Variants in FAM228B observed in about 807,000 individuals in gnomAD.
FAM228B encodes family with sequence similarity 228 member B, also known as protein FAM228B.
A neutral mutation model predicts 42.6 loss-of-function variants in FAM228B; 38 were observed. That is an observed-to-expected ratio of 0.89 (90% CI 0.69 to 1.17). The LOEUF (loss-of-function observed/expected upper bound fraction) is 1.17. FAM228B is among the 50% of genes most tolerant of loss of function. FAM228B has a pLI of 0.00. For synonymous variants in FAM228B, 109 were observed against 122.3 expected, an observed-to-expected ratio of 0.89 and a Z score of 0.72; for missense variants, 344 against 367.3, an observed-to-expected ratio of 0.94 and a Z score of 0.52.
In FAM228B at chr2:24,090,444, C is replaced by T. The variant is rs554076301; in HGVS notation, c.-209-4697C>T. On this transcript the variant is annotated intron_variant, in intron 2 of 10. Coordinates refer to the FAM228B transcript ENST00000613899. ...ACTAAAAATACAAAAATTAGCTGGG[C>T]GTGGTGGTGCACGCCTGTAGTCCCA... Among the ~76,000 whole-genome samples the T allele has an allele frequency of 1.3e-4, 20 of 149,972 alleles. No individual in the cohort carries two copies. In the South Asian group the frequency reaches 4.3e-3, roughly 32 times the overall value.
rs1488634856 is a variant in FAM228B at position 24,080,800 on chromosome 2, T to G, written c.-289-76T>G. The G allele has an allele frequency of 6.2e-7, 1 of 1,613,798 alleles. No homozygotes were observed. Among genetic ancestry groups the G allele is most frequent in the African/African-American group, 1.3e-5 (1 of 74,904 alleles). ...ATCATCTCTTAAATTCCTGCTGAAC[T>G]GTAGAAGCAGTTGTTTACCTTTGGT... On this transcript the variant is annotated intron_variant, in intron 1 of 10. Transcript: ENST00000613899. The surrounding 1 kb of genome is among the most constrained non-coding windows in gnomAD (Gnocchi z 4.7).
At position 24,095,019 on chromosome 2, in the gene FAM228B, C is replaced by T. The variant is rs2150993402; in HGVS notation, c.-209-122C>T. ...GGTGAGGCAGGAGAATCACTTGAAC[C>T]TGGGATGCAGAGGTTGCAGTCAGCC... On this transcript the variant is annotated intron_variant, in intron 2 of 10. Coordinates refer to the FAM228B transcript ENST00000613899. The surrounding 1 kb of genome is among the most constrained non-coding windows in gnomAD (Gnocchi z 4.8). The T allele has an allele frequency of 6.6e-6, 1 of 152,364 alleles. No individual in the cohort carries two copies. Among genetic ancestry groups the T allele is most frequent in the African/African-American group, 2.4e-5 (1 of 41,564 alleles). 9.4% of individuals were successfully genotyped at this position (152,364 alleles called of 1,614,324 possible).
chr2:24,080,671 A>G lies in FAM228B; in HGVS notation c.-289-205A>G. The G allele has an allele frequency of 1.2e-6, 1 of 835,628 alleles. No individual in the cohort carries two copies. The highest frequency in any genetic ancestry group is 2.0e-6 in the Non-Finnish European group (1 of 510,162). 51.8% of individuals were successfully genotyped at this position (835,628 alleles called of 1,614,324 possible). The stretch of plus-strand genomic sequence containing the variant: ...ATGACTGCCTGTCTCCAGTGGTCAA[A>G]TACCATAGTACTAGAATTTGGCCAG... On this transcript the variant is annotated intron_variant, in intron 1 of 10. Transcript: ENST00000613899. The surrounding 1 kb of genome is among the most constrained non-coding windows in gnomAD (Gnocchi z 4.7).
Position 24,135,113 on chromosome 2 carries a change from T to G in FAM228B, c.100-6T>G. The G allele has an allele frequency of 6.8e-7, 1 of 1,478,172 alleles. No homozygotes were observed. The highest frequency in any genetic ancestry group is 9.2e-7 in the Non-Finnish European group (1 of 1,090,416). 91.6% of individuals were successfully genotyped at this position (1,478,172 alleles called of 1,614,324 possible). A position where few individuals can be genotyped will look rare whatever the true frequency, so the allele number is the denominator to read the frequency against. ...TTCTTTTCAAAGTTTAATTCTGTCC[T>G]TTCAGGTTTTAGCTAAAGAAGATAC... On this transcript the variant is annotated splice_polypyrimidine_tract_variant and splice_region_variant and intron_variant, in intron 2 of 10. Transcript: ENST00000615575.
intron 5 of FAM228B, among the ~76,000 whole-genome samples, chr2:24,144,627 G>A (rs1157656621): frequency 6.6e-6 from 1 of 152,180 alleles, no homozygotes; most frequent in East Asian, 1.9e-4. Flanking sequence ...TAACACGGGG[G>A]CTGCCCGGAG....
intron 2 of FAM228B, among the ~76,000 whole-genome samples, chr2:24,130,855 T>C (rs1292812744): frequency 2.0e-5 from 3 of 152,174 alleles, no homozygotes; most frequent in Admixed American, 2.0e-4. Context: ...TTGGCATTTT[T>C]GTCATGAAGT....
chr2:24,110,937 G>A (rs543663260), intron 3 of FAM228B, among the ~76,000 whole-genome samples: 5 of 152,272 alleles, frequency 3.3e-5, no homozygotes, highest in African/African-American at 1.2e-4. Flanking sequence ...TGAATCGTAG[G>A]ACACTTGGTC....
intron 1 of FAM228B, chr2:24,079,361 TA>T: frequency 6.8e-7 from 1 of 1,465,574 alleles, no homozygotes; most frequent in South Asian, 1.3e-5. Context: ...TAATCTAAGG[TA>T]GAGCTTCCTT....
chr2:24,098,103 G>A (rs528582181), intron 3 of FAM228B, among the ~76,000 whole-genome samples: 386 of 152,198 alleles, frequency 2.5e-3, no homozygotes, highest in African/African-American at 9.0e-3. Context: ...AAGACACAAC[G>A]TACCAGAATC....
intron 2 of FAM228B, among the ~76,000 whole-genome samples, chr2:24,093,467 C>T (rs992610998): frequency 1.3e-5 from 2 of 152,170 alleles, no homozygotes; most frequent in African/African-American, 4.8e-5. Context: ...CATGTCCCTG[C>T]AAAGGACATG....
chr2:24,163,064 T>C (rs1184782545), intron 8 of FAM228B, among the ~76,000 whole-genome samples: 1 of 152,164 alleles, frequency 6.6e-6, no homozygotes. Flanking sequence ...TTTTATGTCA[T>C]ATAAATTACA....
intron 7 of FAM228B, among the ~76,000 whole-genome samples, chr2:24,159,910 G>T (rs1178860860): frequency 6.6e-6 from 1 of 151,838 alleles, no homozygotes; most frequent in Non-Finnish European, 1.5e-5. Context: ...CTCTGTGGCT[G>T]CTGCTACGAT....
At chr2:24,128,205 C>T (rs1482114587) in intron 2 of FAM228B, among the ~76,000 whole-genome samples, 3 of 152,112 alleles carry the variant, frequency 2.0e-5, no homozygotes, top group Non-Finnish European at 4.4e-5. Context: ...TAATTTGTGT[C>T]CCTAGAAGTT....
chr2:24,143,754 C>A (rs2151022160), intron 5 of FAM228B, among the ~76,000 whole-genome samples: 1 of 152,008 alleles, frequency 6.6e-6, no homozygotes, highest in East Asian at 1.9e-4. Flanking sequence ...AATTAATAAG[C>A]AATTTAAAAT....
At chr2:24,092,432 G>A (rs1037439179) in intron 2 of FAM228B, among the ~76,000 whole-genome samples, 3 of 151,192 alleles carry the variant, frequency 2.0e-5, no homozygotes, top group African/African-American at 7.3e-5. Context: ...AAAATTAGCT[G>A]GGTAGTGGTG....
intron 2 of FAM228B, among the ~76,000 whole-genome samples, chr2:24,081,318 C>A (rs1195768693): frequency 1.3e-5 from 2 of 152,164 alleles, no homozygotes; most frequent in Non-Finnish European, 2.9e-5. Context: ...GGGCTATAAG[C>A]AGCCACATCC....
intron 5 of FAM228B, among the ~76,000 whole-genome samples, chr2:24,142,283 T>C (rs947768352): frequency 6.6e-6 from 1 of 152,210 alleles, no homozygotes; most frequent in Non-Finnish European, 1.5e-5. Flanking sequence ...GGGCTTGAGA[T>C]GGCCCAGAGC....
chr2:24,131,085 A>G (rs759986880), intron 2 of FAM228B, among the ~76,000 whole-genome samples: 66 of 152,322 alleles, frequency 4.3e-4, no homozygotes, highest in Non-Finnish European at 6.2e-4. Context: ...TTAAAGGGGA[A>G]TCTTTTCCCC....
In FAM228B at chr2:24,161,533, C is replaced by A; in HGVS notation, c.714C>A (p.Asp238Glu). 1 of 1,544,434 alleles carries A rather than the reference C, an allele frequency of 6.5e-7. No homozygotes were observed. The highest frequency in any genetic ancestry group is 8.8e-7 in the Non-Finnish European group (1 of 1,140,502). ...RRLKVKVNFN[D>E]CSFDLKPLAR... ...TAAAGGTGAAAGTGAATTTTAATGACTGTAGTTTTGATTTGAAACCTTTGG... is the reference window on the plus strand; with the variant it reads ...TAAAGGTGAAAGTGAATTTTAATGAATGTAGTTTTGATTTGAAACCTTTGG... Residue 238 changes from aspartate (D) to glutamate (E), a missense_variant, in exon 8 of 11, where the codon GAC becomes GAA. Coordinates refer to ENST00000615575, the MANE Select transcript of FAM228B (RefSeq NM_001145710.2).
Sources: gnomAD v4.1 joint callset for allele counts (sites outside exome capture counted in the v4.1 genomes callset) on GRCh38, gnomAD v4.1.1 for gene constraint, Gnocchi (gnomAD v3.1) non-coding constraint, MANE v1.5 for transcripts, NCBI Gene and HGNC (gene_info 2026-07-23, HGNC 2026-07-21) for gene names.